HTR4: variants seen among roughly 807,000 people sequenced by gnomAD.
The protein encoded by HTR4 is 5-hydroxytryptamine (serotonin) receptor 4, G protein-coupled.
In HTR4, 16 loss-of-function variants were observed where a neutral mutation model predicts 36.8. That is an observed-to-expected ratio of 0.43 (90% CI 0.29 to 0.66). The LOEUF (loss-of-function observed/expected upper bound fraction) is 0.66, where lower values mean the gene tolerates loss of function less well. HTR4 is among the 30% of genes least tolerant of loss of function. The pLI, the probability that HTR4 is intolerant of heterozygous loss-of-function variation, is 0.13. For synonymous variants in HTR4, 189 were observed against 185.1 expected (o/e 1.02, Z -0.17); for missense variants, 438 against 490.9 (o/e 0.89, Z 1.02).
intron 2 of HTR4, among the ~76,000 whole-genome samples, chr5:148,562,815 C>A (rs1760273188): frequency 6.6e-6 from 1 of 152,170 alleles, no homozygotes; most frequent in South Asian, 2.1e-4. Flanking sequence ...TCCAGTACAT[C>A]AGCAAATCCT....
chr5:148,459,234 G>A (rs140538107), intron 5 of HTR4, among the ~76,000 whole-genome samples: 5 of 152,202 alleles, frequency 3.3e-5, no homozygotes, highest in Admixed American at 6.5e-5. Context: ...ATAAGAACTC[G>A]AGGGGGGAGG....
In HTR4 at chr5:148,532,546, T is replaced by C. The variant is rs1758623222; in HGVS notation, c.354-9200A>G. 2.0e-5 allele frequency among the ~76,000 whole-genome samples: 3 copies of C among 152,200 alleles called. No individual in the cohort carries two copies. In the South Asian group the frequency reaches 6.2e-4, roughly 31 times the overall value. On this transcript the variant is annotated intron_variant, in intron 4 of 6. Coordinates refer to ENST00000377888, the MANE Select transcript of HTR4 (RefSeq NM_000870.7). ...AGGGATGGGGAAAGGCTTTCTTCAA[T>C]AGCGGTTTTTTAAGTCAAATGTTAG...
chr5:148,457,542 C>G (rs1755129203), intron 5 of HTR4, among the ~76,000 whole-genome samples: 1 of 151,678 alleles, frequency 6.6e-6, no homozygotes, highest in African/African-American at 2.4e-5. Flanking sequence ...TATTATACAT[C>G]ACCCCAGCCT....
At chr5:148,540,386 T>C (rs1759045468) in intron 4 of HTR4, among the ~76,000 whole-genome samples, 2 of 120,400 alleles carry the variant, frequency 1.7e-5, no homozygotes, top group African/African-American at 6.2e-5. Flanking sequence ...TTTTAGGTTT[T>C]ATTTTATGTG....
intron 2 of HTR4, among the ~76,000 whole-genome samples, chr5:148,596,891 TG>T (rs1456509535): frequency 1.3e-5 from 2 of 152,166 alleles, no homozygotes; most frequent in African/African-American, 4.8e-5. Context: ...GCCCTGACTT[TG>T]TGTAGCTAAT....
At chr5:148,502,667 G>A (rs1756996366) in intron 6 of HTR4, among the ~76,000 whole-genome samples, 2 of 152,030 alleles carry the variant, frequency 1.3e-5, no homozygotes, top group Admixed American at 1.3e-4. Flanking sequence ...GACAAGTTGA[G>A]AGAAGGCCTC....
At chr5:148,501,712 C>G (rs980397628) in intron 6 of HTR4, among the ~76,000 whole-genome samples, 1 of 152,126 alleles carries the variant, frequency 6.6e-6, no homozygotes, top group Non-Finnish European at 1.5e-5. Flanking sequence ...GCTACCCTTA[C>G]TCTTATAAGA....
At chr5:148,543,664 G>A (rs1759230482) in intron 4 of HTR4, among the ~76,000 whole-genome samples, 1 of 152,146 alleles carries the variant, frequency 6.6e-6, no homozygotes, top group African/African-American at 2.4e-5. Context: ...GGGACATTAT[G>A]TTCTACTTGT....
intron 2 of HTR4, among the ~76,000 whole-genome samples, chr5:148,568,867 T>A (rs1355707446): frequency 1.3e-5 from 2 of 152,150 alleles, no homozygotes; most frequent in Admixed American, 6.6e-5. Flanking sequence ...TTGCTATAGT[T>A]TTTTGTAAAA....
chr5:148,649,052 A>G (rs1753955344), intron 1 of HTR4, among the ~76,000 whole-genome samples: 1 of 152,226 alleles, frequency 6.6e-6, no homozygotes, highest in Admixed American at 6.5e-5. Context: ...TAACTAATAC[A>G]AAAGTTTTCT....
At chr5:148,463,549 A>G (rs935538690) in intron 5 of HTR4, among the ~76,000 whole-genome samples, 1 of 152,154 alleles carries the variant, frequency 6.6e-6, no homozygotes, top group Non-Finnish European at 1.5e-5. Flanking sequence ...GAAGAAAAGT[A>G]CAAAACTCTG....
In HTR4 at chr5:148,583,626, TC is replaced by T. The variant is rs1761232613; in HGVS notation, c.27-33365del. ...ATACTAATTGCCATCATCATCATCA[TC>T]ATCATCATCATCATCATCATCATTA... On this transcript the variant is annotated intron_variant, in intron 2 of 6. Coordinates refer to ENST00000377888, the MANE Select transcript of HTR4 (RefSeq NM_000870.7). Among the ~76,000 whole-genome samples the T allele has an allele frequency of 2.6e-5, 4 of 151,444 alleles. No homozygotes were observed. In the South Asian group the frequency reaches 8.4e-4, roughly 32 times the overall value.
chr5:148,480,819 A>C (rs1407930303), downstream of HTR4, among the ~76,000 whole-genome samples: 1 of 152,250 alleles, frequency 6.6e-6, no homozygotes, highest in Non-Finnish European at 1.5e-5. Flanking sequence ...AAATAAATTC[A>C]TAGTCCTCGA....
At chr5:148,587,334 G>C (rs1761384809) in intron 2 of HTR4, among the ~76,000 whole-genome samples, 1 of 152,202 alleles carries the variant, frequency 6.6e-6, no homozygotes. Context: ...GCTTAGGAAA[G>C]GTAGATGACT....
chr5:148,610,735 C>G (rs1206056345), intron 2 of HTR4, among the ~76,000 whole-genome samples: 25 of 146,920 alleles, frequency 1.7e-4, no homozygotes, highest in Non-Finnish European at 3.1e-4. Context: ...CTCTGAGCTA[C>G]GGGAGGACAT....
chr5:148,477,903 C>T (rs1755749857), downstream of HTR4, among the ~76,000 whole-genome samples: 1 of 152,172 alleles, frequency 6.6e-6, no homozygotes, highest in East Asian at 1.9e-4. Flanking sequence ...ATGCTTGTCC[C>T]CTGTCACAGA....
exon 6 of HTR4, chr5:148,451,266 G>T (rs199619780): frequency 3.1e-6 from 5 of 1,613,696 alleles, no homozygotes; most frequent in Non-Finnish European, 3.4e-6. Flanking sequence ...TGTGCAGAAC[G>T]GTGTACCTAG....
At chr5:148,536,244 T>C (rs1343895571) in intron 4 of HTR4, among the ~76,000 whole-genome samples, 1 of 151,900 alleles carries the variant, frequency 6.6e-6, no homozygotes, top group African/African-American at 2.4e-5. Context: ...GAGCACTAAA[T>C]ATAGAAAGGA....
At chr5:148,522,141 C>T (rs1758049770) in intron 5 of HTR4, among the ~76,000 whole-genome samples, 1 of 152,240 alleles carries the variant, frequency 6.6e-6, no homozygotes, top group Middle Eastern at 3.4e-3. Flanking sequence ...CCTGCAGCCA[C>T]GTAAGATGTG....
Sources: gnomAD v4.1 joint callset for allele counts (sites outside exome capture counted in the v4.1 genomes callset) on GRCh38, gnomAD v4.1.1 for gene constraint, MANE v1.5 for transcripts, NCBI Gene and HGNC (gene_info 2026-07-23, HGNC 2026-07-21) for gene names.